The following SCG5 variants were observed in gnomAD, a reference collection of about 807,000 sequenced individuals.
SCG5 encodes the protein neuroendocrine protein 7B2.
Under a neutral mutation model 25.7 loss-of-function variants are expected in SCG5, and 18 were observed. That is an observed-to-expected ratio of 0.70 (90% CI 0.48 to 1.04). SCG5 has a LOEUF of 1.04. Ranked by LOEUF, SCG5 falls within the 50% of genes least tolerant of loss-of-function variation. The pLI is 0.00. For missense variants in SCG5, 206 were observed against 259.8 expected, an observed-to-expected ratio of 0.79 and a Z score of 1.42; for synonymous variants, 101 against 91.7, an observed-to-expected ratio of 1.10 and a Z score of -0.58.
At position 32,696,746 on chromosome 15, in the gene SCG5, A is replaced by G; in HGVS notation, c.*137A>G. On this transcript the variant is annotated 3_prime_UTR_variant, in exon 6 of 6. Coordinates refer to ENST00000300175, the MANE Select transcript of SCG5 (RefSeq NM_001144757.3). ...ATGGATACAAAGCAGCTGTATGTAG[A>G]TAGTGTATTGTCTTCACACCGATGA... is the stretch of plus-strand genomic sequence containing the variant. The G allele has an allele frequency of 1.7e-6, 1 of 582,084 alleles. No individual in the cohort carries two copies. 36.1% of individuals were successfully genotyped at this position (582,084 alleles called of 1,614,324 possible). A position where few individuals can be genotyped will look rare whatever the true frequency, so the allele number is the denominator to read the frequency against.
intron 4 of SCG5, among the ~76,000 whole-genome samples, chr15:32,688,833 C>A (rs572392345): frequency 6.6e-6 from 1 of 152,026 alleles, no homozygotes; most frequent in Admixed American, 6.6e-5. Context: ...GTGGCGGGTG[C>A]CTGTAGTCCC....
rs576033408 is a variant in SCG5, at chr15:32,696,477, C to T, written c.544-37C>T. The T allele has an allele frequency of 2.5e-5, 36 of 1,448,772 alleles. No individual in the cohort carries two copies. In the East Asian group the frequency reaches 7.3e-4, roughly 29 times the overall value. The allele number at this position is 1,448,772 out of a possible 1,614,324, so 89.7% of individuals were successfully genotyped here. On this transcript the variant is annotated intron_variant, in intron 5 of 5. Transcript: ENST00000300175. ...GTCTGTATCTGATGTTCACATATAA[C>T]ACCAAACCACATGGTTTTTGTTTGT...
intron 1 of SCG5, among the ~76,000 whole-genome samples, chr15:32,642,179 G>A (rs780559309): frequency 6.6e-5 from 10 of 151,958 alleles, no homozygotes; most frequent in Non-Finnish European, 1.5e-4. Context: ...AGAAATTGGA[G>A]GGTATAAAAA....
At chr15:32,653,649 T>G (rs2054068999) in intron 2 of SCG5, among the ~76,000 whole-genome samples, 1 of 152,214 alleles carries the variant, frequency 6.6e-6, no homozygotes, top group South Asian at 2.1e-4. Context: ...TTGATAATTT[T>G]GAGTCTGAAG....
At chr15:32,665,861 C>G (rs2054310015) in intron 2 of SCG5, 1 of 152,182 alleles carries the variant, frequency 6.6e-6, no homozygotes, top group African/African-American at 2.4e-5. Flanking sequence ...AATCATGGAT[C>G]TCAAACATCC....
intron 5 of SCG5, among the ~76,000 whole-genome samples, chr15:32,695,436 T>C (rs920654336): frequency 2.0e-5 from 3 of 152,102 alleles, no homozygotes; most frequent in African/African-American, 7.2e-5. Flanking sequence ...TTTCAATTAC[T>C]AGTTCGAATC....
intron 2 of SCG5, chr15:32,665,916 T>C (rs1323728864): frequency 6.6e-6 from 1 of 152,062 alleles, no homozygotes; most frequent in Non-Finnish European, 1.5e-5. Flanking sequence ...AACAAATCAA[T>C]CCTAAGAAAA....
Position 32,691,752 on chromosome 15 carries a change from C to T in SCG5, c.532C>T (p.Arg178Ter), listed in dbSNP as rs200799739. ...LYEKMKGGERRKRRSVNPYLQ... is the reference protein window; with the variant it reads ...LYEKMKGGER ...CGAGAAGATGAAGGGAGGAGAGAGACGAAAGCGGAGGGTAACACGTGCCTG... is the reference window on the plus strand; with the variant it reads ...CGAGAAGATGAAGGGAGGAGAGAGATGAAAGCGGAGGGTAACACGTGCCTG... The change falls in exon 5 of 6, where the codon CGA becomes TGA. Residue 178 changes from arginine to a stop codon, truncating the protein, a stop_gained. Coordinates refer to ENST00000300175, the MANE Select transcript of SCG5 (RefSeq NM_001144757.3). LOFTEE classifies it high-confidence loss of function. The T allele has an allele frequency of 3.3e-5, 53 of 1,612,378 alleles. No individual in the cohort carries two copies. The highest frequency in any genetic ancestry group is 6.6e-5 in the South Asian group (6 of 90,574).
Position 32,669,965 on chromosome 15 carries a change from C to T in SCG5, c.227-9801C>T, listed in dbSNP as rs951794199. Among the ~76,000 whole-genome samples the T allele has an allele frequency of 6.6e-5, 10 of 151,782 alleles. No individual in the cohort carries two copies. The South Asian group carries it at 8.3e-4, about 13-fold the overall frequency. On this transcript the variant is annotated intron_variant, in intron 2 of 5. Coordinates refer to ENST00000300175, the MANE Select transcript of SCG5 (RefSeq NM_001144757.3). Reference sequence around the variant, plus strand: ...AACTAAAAAGCTTTTCTAAAATAAACAACTCTGCTTGTGATCCTAAATTGG... The same window carrying T: ...AACTAAAAAGCTTTTCTAAAATAAATAACTCTGCTTGTGATCCTAAATTGG...
At chr15:32,693,834 G>A (rs939628519) in intron 5 of SCG5, among the ~76,000 whole-genome samples, 10 of 152,200 alleles carry the variant, frequency 6.6e-5, no homozygotes, top group Admixed American at 2.0e-4. Context: ...GCTCAGCTAG[G>A]CATGGTGGCT....
intron 4 of SCG5, among the ~76,000 whole-genome samples, chr15:32,687,902 T>A (rs2054748434): frequency 6.6e-6 from 1 of 152,076 alleles, no homozygotes; most frequent in African/African-American, 2.4e-5. Context: ...ACATAATACA[T>A]AATACTATAT....
intron 2 of SCG5, among the ~76,000 whole-genome samples, chr15:32,661,394 C>G (rs1358737564): frequency 6.6e-6 from 1 of 152,040 alleles, no homozygotes; most frequent in Non-Finnish European, 1.5e-5. Context: ...CCGAGGCGGG[C>G]GGATCACCTG....
intron 2 of SCG5, among the ~76,000 whole-genome samples, chr15:32,644,840 A>AT (rs1284193922): frequency 2.0e-5 from 3 of 152,190 alleles, no homozygotes; most frequent in Non-Finnish European, 2.9e-5. Flanking sequence ...ATTATGCACT[A>AT]TTTTGCCAGA....
chr15:32,670,330 C>T (rs1272769766), intron 2 of SCG5, among the ~76,000 whole-genome samples: 2 of 152,344 alleles, frequency 1.3e-5, no homozygotes, highest in Admixed American at 6.5e-5. Context: ...GGACCAGGCT[C>T]GAATTCAGAG....
At chr15:32,685,908 G>T (rs542839735) in intron 4 of SCG5, among the ~76,000 whole-genome samples, 75 of 152,322 alleles carry the variant, frequency 4.9e-4, no homozygotes, top group Admixed American at 1.4e-3. Flanking sequence ...AGATGGCCTT[G>T]CTTACTGCTT....
At chr15:32,681,269 C>T (rs2054615607) in intron 3 of SCG5, among the ~76,000 whole-genome samples, 1 of 151,978 alleles carries the variant, frequency 6.6e-6, no homozygotes, top group Admixed American at 6.6e-5. Flanking sequence ...AACTGCAATA[C>T]TTTTGCACCA....
At chr15:32,642,927 C>A (rs914498691) in intron 1 of SCG5, among the ~76,000 whole-genome samples, 9 of 152,304 alleles carry the variant, frequency 5.9e-5, no homozygotes, top group African/African-American at 2.2e-4. Flanking sequence ...TTAATTATCT[C>A]CGTTTTGCAG....
At chr15:32,667,528 G>A (rs907319270) in intron 2 of SCG5, among the ~76,000 whole-genome samples, 1 of 152,208 alleles carries the variant, frequency 6.6e-6, no homozygotes, top group Non-Finnish European at 1.5e-5. Context: ...GGACTTTAAG[G>A]CACGAATTGC....
At chr15:32,654,726 C>A (rs534049626) in intron 2 of SCG5, among the ~76,000 whole-genome samples, 2 of 152,120 alleles carry the variant, frequency 1.3e-5, no homozygotes, top group African/African-American at 2.4e-5. Context: ...TTTGCAAATG[C>A]GCACACAGTA....
Sources: allele counts gnomAD v4.1 joint callset (sites outside exome capture counted in the v4.1 genomes callset), GRCh38; gene constraint gnomAD v4.1.1; transcripts MANE v1.5; gene names NCBI Gene and HGNC (gene_info 2026-07-23, HGNC 2026-07-21).